The following PAM variants were observed in gnomAD, a reference collection of about 807,000 sequenced individuals.
The protein encoded by PAM is peptidyl-glycine alpha-amidating monooxygenase.
PAM carries 72 observed loss-of-function variants against 122.1 expected under a neutral mutation model. The observed-to-expected ratio is 0.59, with a 90% CI of 0.49 to 0.72. PAM has a LOEUF of 0.72. PAM is among the 30% of genes least tolerant of loss of function. The probability of loss-of-function intolerance (pLI) is 0.00; values close to 1 mark genes in which losing one functional copy is unlikely to be tolerated. For missense variants in PAM, 1,106 were observed against 1,183.7 expected, an observed-to-expected ratio of 0.93 and a Z score of 0.96; for synonymous variants, 389 against 404.4, an observed-to-expected ratio of 0.96 and a Z score of 0.46.
intron 1 of PAM, among the ~76,000 whole-genome samples, chr5:102,772,540 G>A (rs1391037333): frequency 3.3e-5 from 5 of 152,044 alleles, no homozygotes; most frequent in African/African-American, 4.8e-5. Flanking sequence ...TATGCACATG[G>A]TTCTCAAATA....
intron 19 of PAM, 64 bp from the exon 20 acceptor site, chr5:103,007,393 C>T: frequency 7.5e-7 from 1 of 1,337,006 alleles, no homozygotes; most frequent in Non-Finnish European, 1.1e-6. Flanking sequence ...TAGAAACATA[C>T]TAGAGAGTCA....
chr5:103,029,127 A>T lies in PAM; in HGVS notation c.*62A>T. On this transcript the variant is annotated 3_prime_UTR_variant, in exon 26 of 26. Transcript: ENST00000438793. ...CAGAATGTCAGATTCCTTTCCCTTT[A>T]GCACGTTTAAAGTTCTGTGTATTTA... 1 of 1,370,560 alleles carries T rather than the reference A, an allele frequency of 7.3e-7. No individual in the cohort carries two copies. The highest frequency in any genetic ancestry group is 1.0e-6 in the Non-Finnish European group (1 of 990,780). The allele number at this position is 1,370,560 out of a possible 1,614,324, so 84.9% of individuals were successfully genotyped here.
chr5:102,994,763 T>C (rs1304249309), intron 16 of PAM, among the ~76,000 whole-genome samples: 1 of 152,188 alleles, frequency 6.6e-6, no homozygotes, highest in Non-Finnish European at 1.5e-5. Flanking sequence ...TTATTACATT[T>C]AGCATTGTTT....
Position 102,877,373 on chromosome 5 carries a change from A to G in PAM, c.210+9980A>G, listed in dbSNP as rs543079255. Among the ~76,000 whole-genome samples the G allele has an allele frequency of 2.0e-4, 30 of 152,354 alleles. No homozygotes were observed. The East Asian group carries it at 5.6e-3, about 28-fold the overall frequency. ...TTACAGAGGATCAACCTGGGAATAA[A>G]GAGAGTAATTGCAACAATATTTTAG... is the stretch of plus-strand genomic sequence containing the variant. On this transcript the variant is annotated intron_variant, in intron 3 of 25. Transcript: ENST00000438793.
intron 7 of PAM, among the ~76,000 whole-genome samples, chr5:102,945,116 T>C (rs1453701606): frequency 1.3e-5 from 2 of 152,246 alleles, no homozygotes; most frequent in African/African-American, 4.8e-5. Context: ...ATGCTCTAAA[T>C]AGAGTGCTAA....
chr5:102,945,886 GAC>G lies in PAM; in HGVS notation c.527-949_527-948del, dbSNP rs566742333. Among the ~76,000 whole-genome samples, 611 of 152,252 alleles carry G rather than the reference GAC, an allele frequency of 4.0e-3. 4 individuals are homozygous for G. Among genetic ancestry groups the G allele is most frequent in the Admixed American group, 6.7e-3 (103 of 15,274 alleles). On this transcript the variant is annotated intron_variant, in intron 7 of 25. Coordinates refer to ENST00000438793, the MANE Select transcript of PAM (RefSeq NM_001177306.2). ...TGCTTTTATGATGATGCATGTCAGA[GAC>G]AGATTTTATATATAGCCTAATGAAT...
chr5:102,912,788 A>C (rs1462772565), intron 4 of PAM, among the ~76,000 whole-genome samples: 1 of 152,012 alleles, frequency 6.6e-6, no homozygotes, highest in Non-Finnish European at 1.5e-5. Flanking sequence ...AAATGATGAC[A>C]TGAAAACTTC....
At chr5:102,929,160 T>C (rs1750585666) in intron 7 of PAM, among the ~76,000 whole-genome samples, 1 of 152,190 alleles carries the variant, frequency 6.6e-6, no homozygotes, top group Admixed American at 6.5e-5. Context: ...AGAAGCATTT[T>C]GTTAACTCCT....
At chr5:102,976,271 A>G (rs1436921464) in intron 15 of PAM, among the ~76,000 whole-genome samples, 2 of 152,208 alleles carry the variant, frequency 1.3e-5, no homozygotes, top group Non-Finnish European at 2.9e-5. Flanking sequence ...ATATTTAGGT[A>G]AGCTGTTTCT....
chr5:102,756,989 T>G (rs183122526), intron 1 of PAM, among the ~76,000 whole-genome samples: 3 of 152,300 alleles, frequency 2.0e-5, no homozygotes, highest in Admixed American at 2.0e-4. Context: ...TGACTATACA[T>G]GGCAAGTAGA....
chr5:102,959,293 A>C (rs1359876761), intron 12 of PAM, among the ~76,000 whole-genome samples: 1 of 152,116 alleles, frequency 6.6e-6, no homozygotes, highest in Non-Finnish European at 1.5e-5. Context: ...CAAGTCAGAC[A>C]TCAGGGATAC....
intron 5 of PAM, among the ~76,000 whole-genome samples, chr5:102,922,548 T>G (rs1447955984): frequency 1.3e-5 from 2 of 152,150 alleles, no homozygotes; most frequent in Non-Finnish European, 2.9e-5. Flanking sequence ...ATTTTATTTT[T>G]GGGAAGCATT....
At chr5:102,936,980 T>C (rs1753477092) in intron 7 of PAM, among the ~76,000 whole-genome samples, 1 of 152,134 alleles carries the variant, frequency 6.6e-6, no homozygotes, top group Non-Finnish European at 1.5e-5. Flanking sequence ...TTTACCAAAA[T>C]AAGTTTAATT....
chr5:102,978,827 A>G (rs1172884126), intron 15 of PAM, among the ~76,000 whole-genome samples: 1 of 149,298 alleles, frequency 6.7e-6, no homozygotes, highest in African/African-American at 2.6e-5. Flanking sequence ...GGGGAGGAGA[A>G]TGGTTAAAAA....
chr5:102,867,424 T>C, intron 3 of PAM, 31 bp downstream of exon 3: 1 of 1,550,736 alleles, frequency 6.4e-7, no homozygotes, highest in Non-Finnish European at 8.9e-7. Flanking sequence ...CATTATTCAC[T>C]TGTTCTGGAT....
intron 15 of PAM, among the ~76,000 whole-genome samples, chr5:102,975,449 A>G (rs757820980): frequency 2.0e-4 from 31 of 152,184 alleles, no homozygotes; most frequent in Non-Finnish European, 3.7e-4. Context: ...GTGAGATGTT[A>G]ACTGGAACCT....
intron 1 of PAM, among the ~76,000 whole-genome samples, chr5:102,808,389 T>G (rs773767010): frequency 2.6e-5 from 4 of 152,162 alleles, no homozygotes; most frequent in Non-Finnish European, 5.9e-5. Context: ...ACTTAAAGTG[T>G]GTGTGTGTAT....
intron 1 of PAM, among the ~76,000 whole-genome samples, chr5:102,816,748 T>C (rs75125341): frequency 0.014 from 2,100 of 152,254 alleles, 54 homozygotes; most frequent in African/African-American, 0.048. Context: ...ATCCTAAAGT[T>C]CAGTCCTACT....
At chr5:102,953,272 G>GT (rs1261409851) in intron 12 of PAM, among the ~76,000 whole-genome samples, 10 of 152,070 alleles carry the variant, frequency 6.6e-5, no homozygotes, top group Non-Finnish European at 1.2e-4. Context: ...AAAATACCAC[G>GT]ATGTAAAAAC....
Sources: gnomAD v4.1 joint callset for allele counts (sites outside exome capture counted in the v4.1 genomes callset) on GRCh38, gnomAD v4.1.1 for gene constraint, MANE v1.5 for transcripts, NCBI Gene and HGNC (gene_info 2026-07-23, HGNC 2026-07-21) for gene names.